Variants in DEF6 observed in about 807,000 individuals in gnomAD.
DEF6 encodes DEF6 guanine nucleotide exchange factor, also known as differentially expressed in FDCP 6 homolog.
DEF6 carries 32 observed loss-of-function variants against 80.5 expected under a neutral mutation model. The ratio of observed to expected loss-of-function variants is 0.40; its 90% CI spans 0.30 to 0.53. The LOEUF is 0.53. DEF6 is among the 20% of genes least tolerant of loss of function. The probability of loss-of-function intolerance (pLI) is 0.57; values close to 1 mark genes in which losing one functional copy is unlikely to be tolerated. For synonymous variants in DEF6, 300 were observed against 337.9 expected (o/e 0.89, Z 1.23); for missense variants, 575 against 818.7 (o/e 0.70, Z 3.63).
rs75328500 is a variant in DEF6, at chr6:35,307,726, A to G, written c.97-1944A>G. Among the ~76,000 whole-genome samples, 83 of 152,274 alleles carry G rather than the reference A, an allele frequency of 5.5e-4. No homozygotes were observed. The East Asian group carries it at 0.012, about 22-fold the overall frequency. Reference sequence around the variant, plus strand: ...ATAACTGCCCAGAGGGAAATGAGGGAAAAAAAGGAAATACTCCCTTCCTGG... The same window carrying G: ...ATAACTGCCCAGAGGGAAATGAGGGGAAAAAAGGAAATACTCCCTTCCTGG... On this transcript the variant is annotated intron_variant, in intron 1 of 10. Transcript: ENST00000316637.
intron 1 of DEF6, among the ~76,000 whole-genome samples, chr6:35,307,123 C>A (rs553782554): frequency 6.6e-6 from 1 of 152,330 alleles, no homozygotes; most frequent in South Asian, 2.1e-4. Flanking sequence ...GGTGGCCGGG[C>A]GCAGTGGCTC....
In DEF6 at chr6:35,318,400, G is replaced by A. The variant is rs1393905935; in HGVS notation, c.1144G>A (p.Glu382Lys). ...RQAERLLQEE[E>K]ERRRSQHREL... ...GGCCGAGCGGCTGCTGCAGGAGGAG[G>A]AGGAACGGCGCCGCAGCCAGCACCG... Residue 382 changes from glutamate (E) to lysine (K), a missense_variant, in exon 7 of 11, where the codon GAG (glutamate) becomes AAG (lysine). By Grantham distance (56) the Glu-to-Lys change is moderately conservative. Transcript: ENST00000316637. This position sits in a 1 kb window ranked among gnomAD's most constrained non-coding sequence, Gnocchi z 5.1. 4.6e-6 allele frequency: 7 copies of A among 1,531,652 alleles called. No individual in the cohort carries two copies. In the East Asian group the frequency reaches 1.5e-4, roughly 32 times the overall value. The allele number at this position is 1,531,652 out of a possible 1,614,324, so 94.9% of individuals were successfully genotyped here. A position where few individuals can be genotyped will look rare whatever the true frequency, so the allele number is the denominator to read the frequency against.
chr6:35,314,364 A>G (rs2150387911), intron 5 of DEF6, among the ~76,000 whole-genome samples: 1 of 147,932 alleles, frequency 6.8e-6, no homozygotes, highest in Non-Finnish European at 1.5e-5. Flanking sequence ...TCAAGATTGC[A>G]CCATTGCACT....
intron 3 of DEF6, among the ~76,000 whole-genome samples, chr6:35,311,777 C>T (rs1791470132): frequency 6.6e-6 from 1 of 152,206 alleles, no homozygotes; most frequent in Admixed American, 6.5e-5. Flanking sequence ...CCTACCCCTA[C>T]CCCAAATCCC....
rs707969 is a variant in DEF6 at position 35,321,669 on chromosome 6, T to C, written c.*259T>C. The C allele has an allele frequency of 0.91, 321,634 of 352,760 alleles. 146,851 individuals are homozygous for C. Among genetic ancestry groups the C allele is most frequent in the East Asian group, 0.98 (22,573 of 23,000 alleles). The allele number at this position is 352,760 out of a possible 1,614,324, so 21.9% of individuals were successfully genotyped here. A position where few individuals can be genotyped will look rare whatever the true frequency, so the allele number is the denominator to read the frequency against. On this transcript the variant is annotated 3_prime_UTR_variant, in exon 11 of 11. Transcript: ENST00000316637. Reference sequence around the variant, plus strand: ...TGCTTTAGACCCAAGGACCCGATTCTTGGGCTAGGAAAGAGAGAACAAGCA... The same window carrying C: ...TGCTTTAGACCCAAGGACCCGATTCCTGGGCTAGGAAAGAGAGAACAAGCA...
rs745626187 is a variant in DEF6, at chr6:35,312,668, G to A, written c.703G>A (p.Glu235Lys). The change falls in exon 5 of 11, where the codon GAA (glutamate) becomes AAA (lysine). Residue 235 changes from glutamate to lysine, a missense_variant. Physicochemically the swap from Glu to Lys is moderately conservative, Grantham distance 56 (BLOSUM62 1). Coordinates refer to ENST00000316637, the MANE Select transcript of DEF6 (RefSeq NM_022047.4). This position sits in a 1 kb window ranked among gnomAD's most constrained non-coding sequence, Gnocchi z 6.6. ...KRGHLRRNWAERWFQLQPSCL... is the reference protein window; with the variant it reads ...KRGHLRRNWAKRWFQLQPSCL... The stretch of plus-strand genomic sequence containing the variant: ...AGGGCACCTGAGAAGGAACTGGGCC[G>A]AACGCTGGTTCCAGCTGCAGCCCAG... 7.4e-6 allele frequency: 12 copies of A among 1,613,678 alleles called. No homozygotes were observed. In the East Asian group the frequency reaches 1.3e-4, roughly 18 times the overall value.
chr6:35,300,633 A>G (rs1888823), intron 1 of DEF6, among the ~76,000 whole-genome samples: 119,750 of 152,222 alleles, frequency 0.79, 47,749 homozygotes, highest in Non-Finnish European at 0.85. Flanking sequence ...CAATGGCTTC[A>G]TCCAGTTGGG....
rs748456257 is a variant in DEF6 at position 35,321,274 on chromosome 6, G to C, written c.1760G>C (p.Arg587Pro). The change falls in exon 11 of 11, where the codon CGC becomes CCC. Residue 587 changes from arginine (R) to proline (P), a missense_variant. Arg to Pro is a moderately radical substitution (Grantham distance 103). Coordinates refer to ENST00000316637, the MANE Select transcript of DEF6 (RefSeq NM_022047.4). ...HRDSSLKRLT[R>P]WGSQGNRTPS... ...GACTCCTCCCTAAAGCGCCTGACCC[G>C]CTGGGGATCCCAGGGCAACAGGACC... The C allele has an allele frequency of 1.2e-6, 2 of 1,613,594 alleles. No individual in the cohort carries two copies. The highest frequency in any genetic ancestry group is 1.7e-6 in the Non-Finnish European group (2 of 1,179,968).
At position 35,320,474 on chromosome 6, in the gene DEF6, G is replaced by A. The variant is rs535721147; in HGVS notation, c.1582-410G>A. On this transcript the variant is annotated intron_variant, in intron 9 of 10. Coordinates refer to ENST00000316637, the MANE Select transcript of DEF6 (RefSeq NM_022047.4). ...ACTGCTAATGGCTCCGTGAAATGTTGAACAGAGGTTCTTGGATTAGGTGCT... is the reference window on the plus strand; with the variant it reads ...ACTGCTAATGGCTCCGTGAAATGTTAAACAGAGGTTCTTGGATTAGGTGCT... Among the ~76,000 whole-genome samples the A allele has an allele frequency of 2.2e-4, 34 of 152,256 alleles. No individual in the cohort carries two copies. In the East Asian group the frequency reaches 5.4e-3, roughly 24 times the overall value.
chr6:35,305,206 C>T (rs1381503319), intron 1 of DEF6, among the ~76,000 whole-genome samples: 2 of 150,072 alleles, frequency 1.3e-5, no homozygotes, highest in South Asian at 2.1e-4. Flanking sequence ...AGTTCAGTGG[C>T]ACGATCTCAG....
In DEF6 at chr6:35,318,498, C is replaced by T; in HGVS notation, c.1215+27C>T. 6.6e-6 allele frequency: 9 copies of T among 1,372,046 alleles called. No homozygotes were observed. The South Asian group carries it at 1.4e-4, about 21-fold the overall frequency. 85.0% of individuals were successfully genotyped at this position (1,372,046 alleles called of 1,614,324 possible). On this transcript the variant is annotated intron_variant, in intron 7 of 10. Transcript: ENST00000316637. This position sits in a 1 kb window ranked among gnomAD's most constrained non-coding sequence, Gnocchi z 5.1. ...TGGGGTTAGCTCCCGGCGCCGGGGA[C>T]GGGACCGGTGGGCTGGGAGGCTGGC...
intron 1 of DEF6, among the ~76,000 whole-genome samples, chr6:35,306,842 T>A (rs1791398386): frequency 6.6e-6 from 1 of 152,236 alleles, no homozygotes; most frequent in African/African-American, 2.4e-5. Flanking sequence ...CAGGTACTCT[T>A]CACTCAAAAC....
In DEF6 at chr6:35,318,346, C is replaced by G. The variant is rs1232746408; in HGVS notation, c.1090C>G (p.Leu364Val). Residue 364 changes from leucine to valine, a missense_variant, in exon 7 of 11, where the codon CTG becomes GTG. Transcript: ENST00000316637. The surrounding 1 kb of genome is among the most constrained non-coding windows in gnomAD (Gnocchi z 5.1). ...GGAGAAGGAGCGGAAGCTGCAGGAG[C>G]TGGAGCTGCTGCAGGAGGCGCAGCG... is the stretch of plus-strand genomic sequence containing the variant. ...QEEKERKLQE[L>V]ELLQEAQRQA... 1.4e-5 allele frequency: 21 copies of G among 1,543,604 alleles called. No homozygotes were observed. The highest frequency in any genetic ancestry group is 1.7e-5 in the Non-Finnish European group (20 of 1,146,440).
At chr6:35,298,043 C>G in intron 1 of DEF6, 91 bp downstream of exon 1, 4 of 1,119,600 alleles carry the variant, frequency 3.6e-6, no homozygotes, top group Non-Finnish European at 5.2e-6. Context: ...TGTGCCACTC[C>G]AGGGGCACCC....
At chr6:35,309,231 G>A (rs1218275408) in intron 1 of DEF6, among the ~76,000 whole-genome samples, 1 of 152,208 alleles carries the variant, frequency 6.6e-6, no homozygotes, top group East Asian at 1.9e-4. Context: ...GAATCTGATG[G>A]AGATGGATTT....
intron 2 of DEF6, 139 bp from the exon 3 acceptor site, chr6:35,310,320 C>G: frequency 2.4e-6 from 2 of 833,498 alleles, no homozygotes; most frequent in Non-Finnish European, 3.8e-6. Flanking sequence ...GTAATCAGCT[C>G]AGGGATCCCT....
At chr6:35,298,805 C>T (rs948197927) in intron 1 of DEF6, among the ~76,000 whole-genome samples, 3 of 152,160 alleles carry the variant, frequency 2.0e-5, no homozygotes, top group Admixed American at 6.5e-5. Context: ...GGCCTCAGCT[C>T]TCTAGGACCT....
In DEF6 at chr6:35,302,035, G is replaced by A. The variant is rs532132102; in HGVS notation, c.96+4083G>A. Among the ~76,000 whole-genome samples, 5 of 151,552 alleles carry A rather than the reference G, an allele frequency of 3.3e-5. No individual in the cohort carries two copies. In the South Asian group the frequency reaches 1.1e-3, roughly 32 times the overall value. On this transcript the variant is annotated intron_variant, in intron 1 of 10. Coordinates refer to ENST00000316637, the MANE Select transcript of DEF6 (RefSeq NM_022047.4). ...AGCTACTGCACCTGGCTGGATCTGT[G>A]TCTTTTAAAAGGATCACTTGGAACC... is the stretch of plus-strand genomic sequence containing the variant.
In DEF6 at chr6:35,321,180, C is replaced by T. The variant is rs747007086; in HGVS notation, c.1673-7C>T. On this transcript the variant is annotated splice_region_variant and splice_polypyrimidine_tract_variant and intron_variant, in intron 10 of 10. Coordinates refer to ENST00000316637, the MANE Select transcript of DEF6 (RefSeq NM_022047.4). Reference sequence around the variant, plus strand: ...TTCTCCTTACTTGCCTGCCTTCTCTCTGCCAGATAAGCGTCCGGTCACCAG... The same window carrying T: ...TTCTCCTTACTTGCCTGCCTTCTCTTTGCCAGATAAGCGTCCGGTCACCAG... The T allele has an allele frequency of 6.2e-7, 1 of 1,611,732 alleles. No individual in the cohort carries two copies. The highest frequency in any genetic ancestry group is 2.2e-5 in the East Asian group (1 of 44,866).
Sources: allele counts gnomAD v4.1 joint callset (sites outside exome capture counted in the v4.1 genomes callset), GRCh38; gene constraint gnomAD v4.1.1; non-coding constraint Gnocchi (gnomAD v3.1); transcripts MANE v1.5; gene names NCBI Gene and HGNC (gene_info 2026-07-23, HGNC 2026-07-21).